Variants in USP34 observed in about 807,000 individuals in gnomAD.
USP34 encodes ubiquitin carboxyl-terminal hydrolase 34.
In USP34, 70 loss-of-function variants were observed where a neutral mutation model predicts 460.3. The ratio of observed to expected loss-of-function variants is 0.15; its 90% CI spans 0.13 to 0.19. The LOEUF (loss-of-function observed/expected upper bound fraction) is 0.19. USP34 is among the 10% of genes least tolerant of loss of function. USP34 has a pLI of 1.00. For synonymous variants in USP34, 1,647 were observed against 1,405.3 expected (o/e 1.17, Z -3.85); for missense variants, 3,985 against 4,236.2 (o/e 0.94, Z 1.65).
At chr2:61,399,874 C>CAAAAAAAAAAAAAA (rs529141667) in intron 3 of USP34, among the ~76,000 whole-genome samples, 5,838 of 68,734 alleles carry the variant, frequency 0.085, 840 homozygotes, top group Non-Finnish European at 0.11. Flanking sequence ...CACTGTCTCC[C>CAAAAAAAAAAAAAA]AAAAAAAAAA....
chr2:61,452,373 A>G (rs1194365241), intron 1 of USP34, among the ~76,000 whole-genome samples: 2 of 122,380 alleles, frequency 1.6e-5, no homozygotes, highest in Non-Finnish European at 3.2e-5. Context: ...CACCCAGGCT[A>G]GAGTGTAGTG....
intron 6 of USP34, among the ~76,000 whole-genome samples, chr2:61,381,734 C>T (rs1692981715): frequency 6.6e-6 from 1 of 152,192 alleles, no homozygotes. Flanking sequence ...CTACTCTTTT[C>T]CTGTATGCTC....
At chr2:61,427,650 A>T (rs1479450168) in intron 1 of USP34, among the ~76,000 whole-genome samples, 1 of 152,228 alleles carries the variant, frequency 6.6e-6, no homozygotes, top group Non-Finnish European at 1.5e-5. Flanking sequence ...AACATGTAAG[A>T]AGACTCCAGC....
At chr2:61,366,519 C>T (rs1266013885) in intron 10 of USP34, among the ~76,000 whole-genome samples, 1 of 152,146 alleles carries the variant, frequency 6.6e-6, no homozygotes, top group Admixed American at 6.5e-5. Flanking sequence ...GAGAAAACTA[C>T]ATAAAGTAAT....
At chr2:61,401,885 TAGAAAAAAACTTACAACAC>T (rs1444917550) in intron 3 of USP34, among the ~76,000 whole-genome samples, 1 of 151,048 alleles carries the variant, frequency 6.6e-6, no homozygotes, top group Non-Finnish European at 1.5e-5. Context: ...TCCCTATACT[TAGAAAAAAACTTACAACAC>T]TAGAGCAATT....
chr2:61,190,165 T>A, intron 78 of USP34, 106 bp downstream of exon 78: 1 of 1,458,686 alleles, frequency 6.9e-7, no homozygotes, highest in Non-Finnish European at 9.1e-7. Context: ...GGCTTAAGAG[T>A]TTGAATCAGT....
intron 48 of USP34, among the ~76,000 whole-genome samples, chr2:61,254,921 C>T (rs1317027771): frequency 2.0e-5 from 3 of 152,144 alleles, no homozygotes; most frequent in Non-Finnish European, 4.4e-5. Flanking sequence ...AATCATGGCT[C>T]ACTGTAAGCT....
intron 58 of USP34, among the ~76,000 whole-genome samples, chr2:61,231,606 T>C (rs1687908245): frequency 6.6e-6 from 1 of 151,944 alleles, no homozygotes; most frequent in Non-Finnish European, 1.5e-5. Context: ...TTCCAGCTAC[T>C]CAGGAGGCTG....
chr2:61,276,910 T>C (rs1408141602), intron 41 of USP34, among the ~76,000 whole-genome samples: 3 of 152,198 alleles, frequency 2.0e-5, no homozygotes, highest in Non-Finnish European at 4.4e-5. Flanking sequence ...TGGTTGCTAT[T>C]TCCTAACACA....
Position 61,188,594 on chromosome 2 carries a change from C to A in USP34, c.10149G>T (p.Thr3383=). The change falls in exon 80 of 80, where the codon ACG becomes ACT. Residue 3383 remains threonine, a synonymous_variant. Coordinates refer to ENST00000398571, the MANE Select transcript of USP34 (RefSeq NM_014709.4). ...CTCTGGTCTCATTGTCAGAAGTGCT[C>A]GTTGGGGTCAGGACCTCCCTGGTTT... ...KTETREVLTP[T]STSDNETRDS... is the part of the protein sequence containing the mutation. 6.2e-7 allele frequency: 1 copy of A among 1,614,166 alleles called. No individual in the cohort carries two copies.
chr2:61,240,733 C>T (rs922121625), intron 53 of USP34, among the ~76,000 whole-genome samples: 4 of 151,786 alleles, frequency 2.6e-5, no homozygotes, highest in African/African-American at 9.7e-5. Context: ...ACCAATACAC[C>T]CAGCTAATCT....
intron 15 of USP34, among the ~76,000 whole-genome samples, chr2:61,346,830 TC>T (rs1388124074): frequency 3.7e-5 from 1 of 27,028 alleles, no homozygotes; most frequent in Non-Finnish European, 6.3e-5. Context: ...AGATTCCAAC[TC>T]AAAAAAAAAA....
At chr2:61,278,138 G>A in intron 41 of USP34, 27 bp downstream of exon 41, 1 of 1,606,836 alleles carries the variant, frequency 6.2e-7, no homozygotes, top group South Asian at 1.1e-5. Context: ...ACATTTCATA[G>A]AAACATTTGA....
chr2:61,441,703 G>A (rs1338564409), intron 1 of USP34, among the ~76,000 whole-genome samples: 2 of 151,722 alleles, frequency 1.3e-5, no homozygotes, highest in Non-Finnish European at 2.9e-5. Context: ...ACTTGAGAGG[G>A]TGAGGTGGGA....
In USP34 at chr2:61,349,288, G is replaced by A. The variant is rs1691868658; in HGVS notation, c.1508-3C>T. 1 of 1,612,856 alleles carries A rather than the reference G, an allele frequency of 6.2e-7. No homozygotes were observed. Among genetic ancestry groups the A allele is most frequent in the African/African-American group, 1.3e-5 (1 of 74,980 alleles). Reference sequence around the variant, plus strand: ...TGTTCTTCTAAGCTCTTCTTCCTCTGAAGGAAAAGGAAAAAACAGGAGAAA... The same window carrying A: ...TGTTCTTCTAAGCTCTTCTTCCTCTAAAGGAAAAGGAAAAAACAGGAGAAA... On this transcript the variant is annotated splice_region_variant and splice_polypyrimidine_tract_variant and intron_variant, in intron 12 of 79. Transcript: ENST00000398571.
intron 67 of USP34, among the ~76,000 whole-genome samples, chr2:61,218,706 C>A (rs941415570): frequency 5.3e-5 from 8 of 151,966 alleles, no homozygotes; most frequent in Non-Finnish European, 8.8e-5. Flanking sequence ...TCAAGGAATA[C>A]TGGTCGGGTA....
chr2:61,301,383 G>A lies in USP34; in HGVS notation c.3889C>T (p.Leu1297Phe). ...ATATCCTTAAAACCAAGCTCATGAAGTGCTTTTTCATCATAATCTGTTGTT... is the reference window on the plus strand; with the variant it reads ...ATATCCTTAAAACCAAGCTCATGAAATGCTTTTTCATCATAATCTGTTGTT... ...ELTTDYDEKA[L>F]HELGFKDMQM... Residue 1297 changes from leucine to phenylalanine, a missense_variant, in exon 28 of 80, where the codon CTT becomes TTT. By Grantham distance (22) the Leu-to-Phe change is conservative. Transcript: ENST00000398571. The A allele has an allele frequency of 6.2e-7, 1 of 1,613,920 alleles. No homozygotes were observed. Among genetic ancestry groups the A allele is most frequent in the Non-Finnish European group, 8.5e-7 (1 of 1,179,970 alleles).
intron 41 of USP34, among the ~76,000 whole-genome samples, chr2:61,269,955 C>A (rs1247100431): frequency 1.3e-5 from 2 of 151,886 alleles, no homozygotes; most frequent in African/African-American, 4.8e-5. Flanking sequence ...TTGAAATACA[C>A]AAAAAAAATT....
intron 2 of USP34, among the ~76,000 whole-genome samples, chr2:61,412,870 C>T (rs560649986): frequency 1.7e-4 from 21 of 123,738 alleles, no homozygotes; most frequent in African/African-American, 6.5e-4. Flanking sequence ...ACCTTAGCAA[C>T]ACAGCAATCC....
Sources: allele counts gnomAD v4.1 joint callset (sites outside exome capture counted in the v4.1 genomes callset), GRCh38; gene constraint gnomAD v4.1.1; transcripts MANE v1.5; gene names NCBI Gene and HGNC (gene_info 2026-07-23, HGNC 2026-07-21).